Variants in MYF6 observed in about 807,000 individuals in gnomAD.
MYF6 encodes the protein myogenic factor 6, also known as class C basic helix-loop-helix protein 4.
Under a neutral mutation model 21.7 loss-of-function variants are expected in MYF6, and 20 were observed. The observed-to-expected ratio is 0.92, with a 90% CI of 0.65 to 1.34. The LOEUF is 1.34. MYF6 is among the 40% of genes most tolerant of loss of function. The pLI is 0.00. For synonymous variants in MYF6, 124 were observed against 124.7 expected (o/e 0.99, Z 0.04); for missense variants, 320 against 304.1 (o/e 1.05, Z -0.39).
chr12:80,708,298 G>C (rs1031647346), intron 1 of MYF6, 60 bp downstream of exon 1: 21 of 1,571,056 alleles, frequency 1.3e-5, no homozygotes, highest in Non-Finnish European at 1.7e-5. Flanking sequence ...CCTTCCGCGG[G>C]GCCTTAACCT....
chr12:80,708,569 A>G lies in MYF6; in HGVS notation c.565A>G (p.Ser189Gly), dbSNP rs767611918. 3.1e-6 allele frequency: 5 copies of G among 1,614,134 alleles called. No individual in the cohort carries two copies. In the Admixed American group the frequency reaches 6.7e-5, roughly 22 times the overall value. Residue 189 changes from serine to glycine, a missense_variant, in exon 2 of 3, where the codon AGT becomes GGT. Physicochemically the swap from Ser to Gly is moderately conservative, Grantham distance 56. Transcript: ENST00000228641. ...FLRTCSSQWP[S>G]VSDHSRGLVI... Reference sequence around the variant, plus strand: ...GCGCACCTGCAGCTCCCAGTGGCCAAGTGTTTCCGATCATTCCAGGGGGCT... The same window carrying G: ...GCGCACCTGCAGCTCCCAGTGGCCAGGTGTTTCCGATCATTCCAGGGGGCT...
In MYF6 at chr12:80,708,857, A is replaced by T. The variant is rs1470825812; in HGVS notation, c.626A>T (p.Asp209Val). 1.2e-6 allele frequency: 2 copies of T among 1,613,996 alleles called. No individual in the cohort carries two copies. Among genetic ancestry groups the T allele is most frequent in the African/African-American group, 2.7e-5 (2 of 74,946 alleles). The change falls in exon 3 of 3, where the codon GAT (aspartate) becomes GTT (valine). Residue 209 changes from aspartate to valine, a missense_variant. By Grantham distance (152) the Asp-to-Val change is radical. Transcript: ENST00000228641. ...ITAKEGGASI[D>V]SSASSSLRCL... ...TTTCGCTCAGGAGGAGCAAGTATTGATTCGTCAGCCTCGAGTAGCCTTCGA... is the reference window on the plus strand; with the variant it reads ...TTTCGCTCAGGAGGAGCAAGTATTGTTTCGTCAGCCTCGAGTAGCCTTCGA...
At chr12:80,708,484 T>A (rs778720910) in intron 1 of MYF6, 40 bp from the exon 2 acceptor site, 1 of 1,384,370 alleles carries the variant, frequency 7.2e-7, no homozygotes, top group South Asian at 1.2e-5. Context: ...GGAACCGATG[T>A]TTCTTTCCTA....
At chr12:80,708,501 C>G (rs1868410249) in intron 1 of MYF6, 23 bp from the exon 2 acceptor site, 2 of 1,605,540 alleles carry the variant, frequency 1.2e-6, no homozygotes, top group Middle Eastern at 1.7e-4. Context: ...CCTAATCTGC[C>G]GCTGCCTTGG....
Position 80,708,517 on chromosome 12 carries a change from C to T in MYF6, c.520-7C>T. On this transcript the variant is annotated splice_region_variant and splice_polypyrimidine_tract_variant and intron_variant, in intron 1 of 2. Coordinates refer to ENST00000228641, the MANE Select transcript of MYF6 (RefSeq NM_002469.3). ...CTAATCTGCCGCTGCCTTGGTTTTCCCTCCAGCTTGAGGGTGCGGATTTCC... is the reference window on the plus strand; with the variant it reads ...CTAATCTGCCGCTGCCTTGGTTTTCTCTCCAGCTTGAGGGTGCGGATTTCC... 1 of 1,613,480 alleles carries T rather than the reference C, an allele frequency of 6.2e-7. No individual in the cohort carries two copies. The highest frequency in any genetic ancestry group is 1.7e-5 in the Admixed American group (1 of 60,026).
In MYF6 at chr12:80,708,251, G is replaced by A; in HGVS notation, c.519+13G>A. On this transcript the variant is annotated intron_variant, in intron 1 of 2. Coordinates refer to ENST00000228641, the MANE Select transcript of MYF6 (RefSeq NM_002469.3). ...CAAACAAGAAAATGTAAGCCTAGAT[G>A]CTGCCGGGGCAGGGAAATGCGAAGG... 4.4e-6 allele frequency: 7 copies of A among 1,605,234 alleles called. No individual in the cohort carries two copies. Among genetic ancestry groups the A allele is most frequent in the Non-Finnish European group, 5.1e-6 (6 of 1,178,162 alleles).
At position 80,707,701 on chromosome 12, in the gene MYF6, A is replaced by G; in HGVS notation, c.-19A>G. 1 of 1,614,172 alleles carries G rather than the reference A, an allele frequency of 6.2e-7. No homozygotes were observed. The highest frequency in any genetic ancestry group is 1.3e-5 in the African/African-American group (1 of 75,062). On this transcript the variant is annotated 5_prime_UTR_variant, in exon 1 of 3. Coordinates refer to ENST00000228641, the MANE Select transcript of MYF6 (RefSeq NM_002469.3). ...TCCATCACCCAGTTCAGATCGAGTCAGAGGCCAAGGAGGAGAACATGATGA... is the reference window on the plus strand; with the variant it reads ...TCCATCACCCAGTTCAGATCGAGTCGGAGGCCAAGGAGGAGAACATGATGA...
intron 1 of MYF6, 125 bp from the exon 2 acceptor site, chr12:80,708,399 G>A: frequency 7.1e-7 from 1 of 1,404,456 alleles, no homozygotes; most frequent in South Asian, 1.2e-5. Flanking sequence ...AGAAGACCGG[G>A]TGCTTGCAAT....
At chr12:80,708,359 C>T (rs1303209136) in intron 1 of MYF6, 121 bp downstream of exon 1, 13 of 1,446,136 alleles carry the variant, frequency 9.0e-6, no homozygotes, top group Non-Finnish European at 1.2e-5. Context: ...GCCCCTCCCG[C>T]TCCGTCTCTA....
Position 80,707,925 on chromosome 12 carries a change from A to G in MYF6, c.206A>G (p.Gln69Arg). 1.2e-6 allele frequency: 2 copies of G among 1,614,164 alleles called. No homozygotes were observed. Among genetic ancestry groups the G allele is most frequent in the South Asian group, 1.1e-5 (1 of 91,086 alleles). The change falls in exon 1 of 3, where the codon CAG becomes CGG. Residue 69 changes from glutamine (Q) to arginine (R), a missense_variant. By Grantham distance (43) the Gln-to-Arg change is conservative. Transcript: ENST00000228641. ...CATGTCCTGGCGCCCCCGGGCCTGC[A>G]GCCTCCACACTGCCCCGGCCAGTGT... is the stretch of plus-strand genomic sequence containing the variant. ...EEHVLAPPGLQPPHCPGQCLI... is the reference protein window; with the variant it reads ...EEHVLAPPGLRPPHCPGQCLI...
In MYF6 at chr12:80,708,950, T is replaced by G. The variant is rs1284538214; in HGVS notation, c.719T>G (p.Val240Gly). ...ERKLPCVEEV[V>G]EK is the part of the protein sequence containing the mutation. ...AAACTCCCCTGCGTGGAGGAAGTGG[T>G]GGAGAAGTAACTGAGCCTGCGCTTG... Residue 240 changes from valine to glycine, a missense_variant, in exon 3 of 3, where the codon GTG (valine) becomes GGG (glycine). Transcript: ENST00000228641. The G allele has an allele frequency of 6.2e-7, 1 of 1,612,900 alleles. No individual in the cohort carries two copies. The highest frequency in any genetic ancestry group is 2.2e-5 in the East Asian group (1 of 44,872).
rs1325708705 is a variant in MYF6 at position 80,707,807 on chromosome 12, G to A, written c.88G>A (p.Gly30Ser). ...TCTGCAGCCATTAGAAGTGGCAGAAGGCTCTCCTTTGTATCCAGGGAGTGA... is the reference window on the plus strand; with the variant it reads ...TCTGCAGCCATTAGAAGTGGCAGAAAGCTCTCCTTTGTATCCAGGGAGTGA... ...VTLQPLEVAE[G>S]SPLYPGSDGT... The change falls in exon 1 of 3, where the codon GGC becomes AGC. Residue 30 changes from glycine to serine, a missense_variant. By Grantham distance (56) the Gly-to-Ser change is moderately conservative. Transcript: ENST00000228641. 2 of 1,614,156 alleles carry A rather than the reference G, an allele frequency of 1.2e-6. No homozygotes were observed. Among genetic ancestry groups the A allele is most frequent in the South Asian group, 1.1e-5 (1 of 91,074 alleles).
At position 80,707,947 on chromosome 12, in the gene MYF6, G is replaced by A; in HGVS notation, c.228G>A (p.Gln76=). 1 of 1,614,176 alleles carries A rather than the reference G, an allele frequency of 6.2e-7. No homozygotes were observed. The highest frequency in any genetic ancestry group is 2.2e-5 in the East Asian group (1 of 44,876). ...TGCAGCCTCCACACTGCCCCGGCCA[G>A]TGTCTGATCTGGGCTTGCAAGACCT... The part of the protein sequence containing the change: ...PGLQPPHCPG[Q]CLIWACKTCK... Residue 76 remains glutamine (Q), a synonymous_variant, in exon 1 of 3, where the codon CAG becomes CAA. Coordinates refer to ENST00000228641, the MANE Select transcript of MYF6 (RefSeq NM_002469.3).
Position 80,707,967 on chromosome 12 carries a change from A to C in MYF6, c.248A>C (p.Lys83Thr). The C allele has an allele frequency of 4.3e-6, 7 of 1,614,130 alleles. No homozygotes were observed. Among genetic ancestry groups the C allele is most frequent in the Non-Finnish European group, 5.9e-6 (7 of 1,180,030 alleles). Residue 83 changes from lysine (K) to threonine (T), a missense_variant, in exon 1 of 3, where the codon AAG becomes ACG. Physicochemically the swap from Lys to Thr is moderately conservative, Grantham distance 78. Coordinates refer to ENST00000228641, the MANE Select transcript of MYF6 (RefSeq NM_002469.3). ...CPGQCLIWAC[K>T]TCKRKSAPTD... is the part of the protein sequence containing the mutation. ...GGCCAGTGTCTGATCTGGGCTTGCAAGACCTGCAAGAGAAAATCTGCCCCC... is the reference window on the plus strand; with the variant it reads ...GGCCAGTGTCTGATCTGGGCTTGCACGACCTGCAAGAGAAAATCTGCCCCC...
At position 80,707,838 on chromosome 12, in the gene MYF6, C is replaced by A. The variant is rs1318408964; in HGVS notation, c.119C>A (p.Thr40Asn). The change falls in exon 1 of 3, where the codon ACC becomes AAC. Residue 40 changes from threonine to asparagine, a missense_variant. Thr to Asn is a moderately conservative substitution (Grantham distance 65). Coordinates refer to ENST00000228641, the MANE Select transcript of MYF6 (RefSeq NM_002469.3). ...GSPLYPGSDG[T>N]LSPCQDQMPP... ...CCTTTGTATCCAGGGAGTGATGGTA[C>A]CTTGTCCCCCTGCCAGGACCAAATG... The A allele has an allele frequency of 6.8e-6, 11 of 1,614,136 alleles. No individual in the cohort carries two copies. Among genetic ancestry groups the A allele is most frequent in the Non-Finnish European group, 9.3e-6 (11 of 1,180,020 alleles).
Position 80,707,798 on chromosome 12 carries a change from G to A in MYF6, c.79G>A (p.Val27Met), listed in dbSNP as rs147184101. Residue 27 changes from valine to methionine, a missense_variant, in exon 1 of 3, where the codon GTG becomes ATG. By Grantham distance (21) the Val-to-Met change is conservative. Coordinates refer to ENST00000228641, the MANE Select transcript of MYF6 (RefSeq NM_002469.3). ...AAATGTTACTCTGCAGCCATTAGAA[G>A]TGGCAGAAGGCTCTCCTTTGTATCC... Reference protein sequence around the residue: ...GENVTLQPLEVAEGSPLYPGS... With the variant: ...GENVTLQPLEMAEGSPLYPGS... 726 of 1,614,140 alleles carry A rather than the reference G, an allele frequency of 4.5e-4. No individual in the cohort carries two copies. The highest frequency in any genetic ancestry group is 5.8e-4 in the Non-Finnish European group (688 of 1,180,016).
In MYF6 at chr12:80,707,912, CCCCCGGGCCTGCAGCCTCCACACTG is replaced by C; in HGVS notation, c.200_224del (p.Gly67AlafsTer4). On this transcript the variant is annotated frameshift_variant, in exon 1 of 3. Transcript: ENST00000228641. LOFTEE classifies it high-confidence loss of function. Reference sequence around the variant, plus strand: ...CAGCGGAGAGGAACATGTCCTGGCGCCCCCGGGCCTGCAGCCTCCACACTGCCCCGGCCAGTGTCTGATCTGGGCT... The same window carrying C: ...CAGCGGAGAGGAACATGTCCTGGCGCCCCCGGCCAGTGTCTGATCTGGGCT... The C allele has an allele frequency of 6.2e-7, 1 of 1,614,134 alleles. No homozygotes were observed. Among genetic ancestry groups the C allele is most frequent in the Non-Finnish European group, 8.5e-7 (1 of 1,180,018 alleles).
Position 80,709,112 on chromosome 12 carries a change from C to A in MYF6, c.*152C>A, listed in dbSNP as rs3120. ...GGAAGGAGACACATTCACAAAGAAA[C>A]GTTGCGAAAATTGCGAAATCTGTTG... On this transcript the variant is annotated 3_prime_UTR_variant, in exon 3 of 3. Coordinates refer to ENST00000228641, the MANE Select transcript of MYF6 (RefSeq NM_002469.3). 139,138 of 686,046 alleles carry A rather than the reference C, an allele frequency of 0.2. 16,383 individuals are homozygous for A. Among genetic ancestry groups the A allele is most frequent in the Non-Finnish European group, 0.24 (96,409 of 398,012 alleles). The allele number at this position is 686,046 out of a possible 1,614,324, so 42.5% of individuals were successfully genotyped here. A position where few individuals can be genotyped will look rare whatever the true frequency, so the allele number is the denominator to read the frequency against.
chr12:80,709,077 T>G lies in MYF6; in HGVS notation c.*117T>G. On this transcript the variant is annotated 3_prime_UTR_variant, in exon 3 of 3. Coordinates refer to ENST00000228641, the MANE Select transcript of MYF6 (RefSeq NM_002469.3). The stretch of plus-strand genomic sequence containing the variant: ...ACATTTAGGAACCCAGACCGAAAAG[T>G]TGCTGAAAGGGAAGGAGACACATTC... 1 of 843,026 alleles carries G rather than the reference T, an allele frequency of 1.2e-6. No homozygotes were observed. The highest frequency in any genetic ancestry group is 2.0e-6 in the Non-Finnish European group (1 of 511,866). 52.2% of individuals were successfully genotyped at this position (843,026 alleles called of 1,614,324 possible).
Sources: allele counts gnomAD v4.1 joint callset, GRCh38; gene constraint gnomAD v4.1.1; transcripts MANE v1.5; gene names NCBI Gene and HGNC (gene_info 2026-07-23, HGNC 2026-07-21).